The following SPATS2 variants were observed in gnomAD, a reference collection of about 807,000 sequenced individuals.
The protein encoded by SPATS2 is spermatogenesis associated serine rich 2, also known as spermatogenesis-associated serine-rich protein 2.
A neutral mutation model predicts 63.7 loss-of-function variants in SPATS2; 38 were observed. That is an observed-to-expected ratio of 0.60 (90% confidence interval 0.46 to 0.78). The LOEUF is 0.78. Among genes scored for constraint, SPATS2 ranks in the 30% least tolerant of loss-of-function variants. The pLI is 0.00. For synonymous variants in SPATS2, 207 were observed against 232.9 expected (o/e 0.89, Z 1.01); for missense variants, 588 against 666.2 (o/e 0.88, Z 1.29).
intron 2 of SPATS2, among the ~76,000 whole-genome samples, chr12:49,394,691 C>T (rs1944477856): frequency 6.6e-6 from 1 of 151,922 alleles, no homozygotes; most frequent in Middle Eastern, 3.4e-3. Context: ...GACCTTGTAT[C>T]CTGCAACGTT....
intron 2 of SPATS2, among the ~76,000 whole-genome samples, chr12:49,452,516 C>T (rs562749961): frequency 7.2e-5 from 11 of 152,242 alleles, no homozygotes; most frequent in East Asian, 1.9e-4. Flanking sequence ...TGGCCTCAAG[C>T]GATACTCCAA....
At chr12:49,388,768 CA>C (rs1349630598) in intron 2 of SPATS2, among the ~76,000 whole-genome samples, 2 of 151,456 alleles carry the variant, frequency 1.3e-5, no homozygotes, top group Non-Finnish European at 2.9e-5. Context: ...AATCCTAGCT[CA>C]CTTCAGCCTC....
rs563438894 is a variant in SPATS2 at position 49,389,764 on chromosome 12, G to A, written c.-244+18474G>A. ...CAAATCAGAGAATTGCAACAAGAAA[G>A]AAAAGAATTGCGTACATCCCTGGAA... On this transcript the variant is annotated intron_variant, in intron 2 of 13. Coordinates refer to ENST00000552918, the MANE Select transcript of SPATS2 (RefSeq NM_023071.4). 5.3e-5 allele frequency: 73 copies of A among 1,369,386 alleles called. No individual in the cohort carries two copies. In the South Asian group the frequency reaches 7.4e-4, roughly 14 times the overall value. The allele number at this position is 1,369,386 out of a possible 1,614,324, so 84.8% of individuals were successfully genotyped here.
chr12:49,409,892 C>T (rs146420533), intron 2 of SPATS2, among the ~76,000 whole-genome samples: 303 of 152,182 alleles, frequency 2.0e-3, no homozygotes, highest in African/African-American at 6.7e-3. Context: ...CATGACCCAC[C>T]AGGCCCAGCT....
At chr12:49,500,785 A>G (rs1405660754) in intron 9 of SPATS2, among the ~76,000 whole-genome samples, 1 of 149,764 alleles carries the variant, frequency 6.7e-6, no homozygotes, top group African/African-American at 2.5e-5. Flanking sequence ...AAAAGAAAAG[A>G]AAAAAAAAAG....
chr12:49,373,579 A>AC (rs1449375597), intron 2 of SPATS2, among the ~76,000 whole-genome samples: 1 of 151,322 alleles, frequency 6.6e-6, no homozygotes, highest in Non-Finnish European at 1.5e-5. Flanking sequence ...ATTGCTTCAG[A>AC]CCAGGAGTTT....
intron 10 of SPATS2, among the ~76,000 whole-genome samples, chr12:49,518,514 T>C (rs1331773836): frequency 1.3e-5 from 2 of 152,158 alleles, no homozygotes; most frequent in Non-Finnish European, 2.9e-5. Flanking sequence ...TCCAGATGTA[T>C]TAATAGGGAA....
At chr12:49,466,174 G>GTT (rs1288801545) in intron 3 of SPATS2, among the ~76,000 whole-genome samples, 5 of 151,338 alleles carry the variant, frequency 3.3e-5, no homozygotes, top group Non-Finnish European at 5.9e-5. Flanking sequence ...GGGTTTTTGG[G>GTT]TTTTTTTGAA....
chr12:49,421,256 A>AGGCTTGT (rs1231474817), intron 2 of SPATS2, among the ~76,000 whole-genome samples: 12 of 151,974 alleles, frequency 7.9e-5, no homozygotes, highest in Non-Finnish European at 1.6e-4. Context: ...CGTCTCTACT[A>AGGCTTGT]AAAATACAAA....
At chr12:49,393,236 C>G (rs1162749996) in intron 2 of SPATS2, among the ~76,000 whole-genome samples, 3 of 151,924 alleles carry the variant, frequency 2.0e-5, no homozygotes, top group Non-Finnish European at 2.9e-5. Context: ...TTTTTCCATT[C>G]TTAGTTTCCT....
Position 49,453,459 on chromosome 12 carries a change from GGCT to G in SPATS2, c.-243-7306_-243-7304del, listed in dbSNP as rs1455797106. Among the ~76,000 whole-genome samples, 7 of 152,146 alleles carry G rather than the reference GGCT, an allele frequency of 4.6e-5. No individual in the cohort carries two copies. In the South Asian group the frequency reaches 1.5e-3, roughly 32 times the overall value. On this transcript the variant is annotated intron_variant, in intron 2 of 13. Transcript: ENST00000552918. The stretch of plus-strand genomic sequence containing the variant: ...GAATCTTTTTCTCACTGTGGTATGT[GGCT>G]GCTGGTTGCTGATGTCTCTGCTCAG...
chr12:49,480,904 A>T (rs192213000), intron 3 of SPATS2, among the ~76,000 whole-genome samples: 1 of 152,258 alleles, frequency 6.6e-6, no homozygotes, highest in East Asian at 1.9e-4. Flanking sequence ...AGGTTAAATT[A>T]TAAATTAACA....
Position 49,521,498 on chromosome 12 carries a change from T to G in SPATS2, c.1009-1253T>G, listed in dbSNP as rs188913370. Among the ~76,000 whole-genome samples the G allele has an allele frequency of 8.5e-5, 13 of 152,132 alleles. No individual in the cohort carries two copies. In the East Asian group the frequency reaches 2.5e-3, roughly 29 times the overall value. On this transcript the variant is annotated intron_variant, in intron 11 of 13. Coordinates refer to ENST00000552918, the MANE Select transcript of SPATS2 (RefSeq NM_023071.4). ...TTGATGCCAGTCAGTCTCATTCAAC[T>G]CTCGGGGAGAAGCCGGAAACCCCTT...
At chr12:49,454,520 G>A (rs377571504) in intron 2 of SPATS2, 10 of 152,312 alleles carry the variant, frequency 6.6e-5, no homozygotes, top group African/African-American at 1.4e-4. Context: ...ATCATTTGCT[G>A]TTATTGCTGT....
At chr12:49,395,697 A>G (rs1000130572) in intron 2 of SPATS2, among the ~76,000 whole-genome samples, 4 of 152,168 alleles carry the variant, frequency 2.6e-5, no homozygotes, top group Admixed American at 2.6e-4. Flanking sequence ...AAGTGCTGGG[A>G]TTACAGGCAT....
chr12:49,367,648 G>A (rs1943922471), intron 1 of SPATS2, 61 bp downstream of exon 1: 1 of 387,102 alleles, frequency 2.6e-6, no homozygotes, highest in Admixed American at 4.5e-5. Flanking sequence ...CGAGGTGCGG[G>A]GAGCGGGTTG....
At chr12:49,517,056 A>G (rs1248443775) in intron 10 of SPATS2, among the ~76,000 whole-genome samples, 1 of 152,198 alleles carries the variant, frequency 6.6e-6, no homozygotes, top group Middle Eastern at 3.2e-3. Flanking sequence ...ATTAGGTCCT[A>G]TGAGTTATCT....
chr12:49,389,427 G>T, intron 2 of SPATS2: 1 of 620,920 alleles, frequency 1.6e-6, no homozygotes, highest in Non-Finnish European at 2.9e-6. Flanking sequence ...CTTCCCTTGG[G>T]TGCATAGGTC....
At chr12:49,458,672 C>A (rs1250824015) in intron 2 of SPATS2, among the ~76,000 whole-genome samples, 4 of 150,618 alleles carry the variant, frequency 2.7e-5, no homozygotes, top group Non-Finnish European at 5.9e-5. Context: ...TCCAGCTACA[C>A]GGGAGCCTGA....
Sources: allele counts gnomAD v4.1 joint callset (sites outside exome capture counted in the v4.1 genomes callset), GRCh38; gene constraint gnomAD v4.1.1; transcripts MANE v1.5; gene names NCBI Gene and HGNC (gene_info 2026-07-23, HGNC 2026-07-21).